Variants in PALM3 observed in about 807,000 individuals in gnomAD.
PALM3 encodes paralemmin 3, also known as paralemmin-3.
In PALM3, 20 loss-of-function variants were observed where a neutral mutation model predicts 27.9. The ratio of observed to expected loss-of-function variants is 0.72; its 90% confidence interval spans 0.50 to 1.04. The LOEUF (loss-of-function observed/expected upper bound fraction) is 1.04, where lower values mean the gene tolerates loss of function less well. PALM3 is among the 50% of genes least tolerant of loss of function. The pLI, the probability that PALM3 is intolerant of heterozygous loss-of-function variation, is 0.00. For missense variants in PALM3, 814 were observed against 869.4 expected, an observed-to-expected ratio of 0.94 and a Z score of 0.80; for synonymous variants, 328 against 352.7, an observed-to-expected ratio of 0.93 and a Z score of 0.79.
Position 14,061,949 on chromosome 19 carries a change from G to A in PALM3, c.32C>T (p.Ala11Val). 1.0e-6 allele frequency: 1 copy of A among 985,262 alleles called. No homozygotes were observed. The highest frequency in any genetic ancestry group is 5.2e-4 in the Middle Eastern group (1 of 1,914). 61.0% of individuals were successfully genotyped at this position (985,262 alleles called of 1,614,324 possible). MALQSQVWSL[A>V]TPMPMAESSL... The stretch of plus-strand genomic sequence containing the variant: ...CCCCCCAGACACTTACATGGGTGTG[G>A]CCAGAGACCACACCTGGCTCTGCAG... Residue 11 changes from alanine (A) to valine (V), a missense_variant, in exon 1 of 7, where the codon GCC (alanine) becomes GTC (valine). Transcript: ENST00000669674.
At chr19:14,055,458 C>A in intron 5 of PALM3, 33 bp from the exon 6 acceptor site, 1 of 1,549,486 alleles carries the variant, frequency 6.5e-7, no homozygotes, top group Non-Finnish European at 8.7e-7. Flanking sequence ...GTCAGGCTGG[C>A]CCTCATCCCC....
chr19:14,058,433 G>A (rs768609955), intron 2 of PALM3, among the ~76,000 whole-genome samples: 1 of 147,304 alleles, frequency 6.8e-6, no homozygotes, highest in Non-Finnish European at 1.5e-5. Flanking sequence ...CAAAATGGGG[G>A]TGCAGCCATG....
chr19:14,055,579 T>C (rs1008308744), intron 5 of PALM3, among the ~76,000 whole-genome samples, 154 bp from the exon 6 acceptor site: 3 of 151,872 alleles, frequency 2.0e-5, no homozygotes, highest in African/African-American at 7.3e-5. Context: ...GCCTTCCTCA[T>C]CTATCTTATT....
At chr19:14,059,091 G>A (rs776962916) in intron 2 of PALM3, 24 bp downstream of exon 2, 39 of 1,455,698 alleles carry the variant, frequency 2.7e-5, no homozygotes, top group Admixed American at 1.2e-4. Context: ...GGGGTGCCCA[G>A]GGCGCGGGGA....
At position 14,053,498 on chromosome 19, in the gene PALM3, C is replaced by T. The variant is rs1976219976; in HGVS notation, c.*107G>A. ...GTGCAGGCTAGCTGGCTCCCAGGTG[C>T]CATGGCCAGTCCTGTGGTCCCTGTC... On this transcript the variant is annotated 3_prime_UTR_variant, in exon 7 of 7. Transcript: ENST00000669674. The T allele has an allele frequency of 7.7e-7, 1 of 1,303,748 alleles. No homozygotes were observed. The allele number at this position is 1,303,748 out of a possible 1,614,324, so 80.8% of individuals were successfully genotyped here. A position where few individuals can be genotyped will look rare whatever the true frequency, so the allele number is the denominator to read the frequency against.
chr19:14,060,991 C>T (rs1469627632), intron 1 of PALM3, among the ~76,000 whole-genome samples: 6 of 152,188 alleles, frequency 3.9e-5, no homozygotes, highest in African/African-American at 1.4e-4. Context: ...GAACTCCTGA[C>T]CTCAGGTGAT....
At chr19:14,055,291 G>GGA in intron 6 of PALM3, 65 bp from the exon 7 acceptor site, 9 of 1,529,212 alleles carry the variant, frequency 5.9e-6, no homozygotes, top group African/African-American at 2.8e-5. Flanking sequence ...GGAACAAAAG[G>GGA]ACTGCCATCC....
Position 14,053,962 on chromosome 19 carries a change from C to G in PALM3, c.1710G>C (p.Met570Ile). 1 of 1,551,702 alleles carries G rather than the reference C, an allele frequency of 6.4e-7. No individual in the cohort carries two copies. The highest frequency in any genetic ancestry group is 8.7e-7 in the Non-Finnish European group (1 of 1,146,940). Reference sequence around the variant, plus strand: ...CCTCAAGGGGAGGCCCTGCCTCATTCATCTCCTCTGCCTGGGATTCACTTC... The same window carrying G: ...CCTCAAGGGGAGGCCCTGCCTCATTGATCTCCTCTGCCTGGGATTCACTTC... ...REGSESQAEE[M>I]NEAGPPLEAN... Residue 570 changes from methionine to isoleucine, a missense_variant, in exon 7 of 7, where the codon ATG (methionine) becomes ATC (isoleucine). Transcript: ENST00000669674.
rs1828764994 is a variant in PALM3 at position 14,054,973 on chromosome 19, C to T, written c.699G>A (p.Val233=). The T allele has an allele frequency of 6.5e-7, 1 of 1,549,374 alleles. No homozygotes were observed. The highest frequency in any genetic ancestry group is 8.7e-7 in the Non-Finnish European group (1 of 1,146,246). Residue 233 remains valine, a synonymous_variant, in exon 7 of 7, where the codon GTG becomes GTA. Coordinates refer to ENST00000669674, the MANE Select transcript of PALM3 (RefSeq NM_001145028.2). ...CCCTCAGCCCTTCCCACACCACACT[C>T]ACCACGCCCCCTCCTTTGGCCTCAC... ...RVGEAKGGGV[V]SVVWEGLRAT...
Position 14,054,728 on chromosome 19 carries a change from T to C in PALM3, c.944A>G (p.Gln315Arg). ...CTCCTGGAGCCTAGGCGAGCTAGTCTGCACGACCTCAGGGACCCTGCCTAT... is the reference window on the plus strand; with the variant it reads ...CTCCTGGAGCCTAGGCGAGCTAGTCCGCACGACCTCAGGGACCCTGCCTAT... ...GEIGRVPEVVQTSSPRLQERL... is the reference protein window; with the variant it reads ...GEIGRVPEVVRTSSPRLQERL... Residue 315 changes from glutamine to arginine, a missense_variant, in exon 7 of 7, where the codon CAG (glutamine) becomes CGG (arginine). Physicochemically the swap from Gln to Arg is conservative, Grantham distance 43. Transcript: ENST00000669674. 6.4e-7 allele frequency: 1 copy of C among 1,551,834 alleles called. No homozygotes were observed. The highest frequency in any genetic ancestry group is 8.7e-7 in the Non-Finnish European group (1 of 1,147,044).
chr19:14,058,033 G>C (rs1002131021), intron 2 of PALM3, among the ~76,000 whole-genome samples: 1 of 152,184 alleles, frequency 6.6e-6, no homozygotes. Context: ...TCTTGAACTC[G>C]GGAGGCGCAG....
At chr19:14,061,698 TG>T (rs1976416225) in intron 1 of PALM3, among the ~76,000 whole-genome samples, 1 of 152,094 alleles carries the variant, frequency 6.6e-6, no homozygotes, top group East Asian at 1.9e-4. Flanking sequence ...TTCTCAGCCC[TG>T]GCAGCGGAAA....
intron 3 of PALM3, 111 bp from the exon 4 acceptor site, chr19:14,056,915 A>G: frequency 8.9e-7 from 1 of 1,125,986 alleles, no homozygotes; most frequent in Non-Finnish European, 1.2e-6. Flanking sequence ...CCTCACAACC[A>G]GTTGCGACAT....
In PALM3 at chr19:14,055,539, C is replaced by T. The variant is rs1976290002; in HGVS notation, c.400-114G>A. The T allele has an allele frequency of 4.9e-6, 5 of 1,016,144 alleles. No individual in the cohort carries two copies. In the Admixed American group the frequency reaches 6.9e-5, roughly 14 times the overall value. 62.9% of individuals were successfully genotyped at this position (1,016,144 alleles called of 1,614,324 possible). The stretch of plus-strand genomic sequence containing the variant: ...AATACCCTCAGTGGCTCTCTATTAC[C>T]TTCAGGATCAAACTCCACATTGTAC... On this transcript the variant is annotated intron_variant, in intron 5 of 6. Transcript: ENST00000669674.
chr19:14,056,657 C>T lies in PALM3; in HGVS notation c.314+5G>A. 1 of 1,551,782 alleles carries T rather than the reference C, an allele frequency of 6.4e-7. No homozygotes were observed. The highest frequency in any genetic ancestry group is 2.0e-5 in the Admixed American group (1 of 51,010). ...TTCGGGCAGAGCTAGAAGGTCTCCA[C>T]TCACGTGAACAAACTGTCTTCCAGG... On this transcript the variant is annotated splice_donor_5th_base_variant and intron_variant, in intron 4 of 6. Transcript: ENST00000669674.
intron 5 of PALM3, 47 bp downstream of exon 5, chr19:14,056,382 C>A: frequency 6.7e-7 from 1 of 1,488,932 alleles, no homozygotes; most frequent in East Asian, 2.5e-5. Context: ...TGCCTTGAGG[C>A]CTGCTGGCCA....
intron 3 of PALM3, 50 bp downstream of exon 3, chr19:14,057,300 AC>A: frequency 9.9e-6 from 12 of 1,210,076 alleles, no homozygotes; most frequent in South Asian, 2.8e-5. Flanking sequence ...TTGCACAGAC[AC>A]CCCCCACTCC....
intron 2 of PALM3, among the ~76,000 whole-genome samples, chr19:14,058,693 A>AGGAT (rs1475378150): frequency 6.6e-6 from 1 of 151,930 alleles, no homozygotes; most frequent in Non-Finnish European, 1.5e-5. Flanking sequence ...GGACAGAGAT[A>AGGAT]GGATCAGAGT....
chr19:14,053,417 G>C lies in PALM3; in HGVS notation c.*188C>G. On this transcript the variant is annotated 3_prime_UTR_variant, in exon 7 of 7. Transcript: ENST00000669674. ...AAGTATAAAGGCTTCATCGCAGAAG[G>C]AGGCCAGGGTTACAGGCAGTGGGCA... 1 of 534,636 alleles carries C rather than the reference G, an allele frequency of 1.9e-6. No homozygotes were observed. 33.1% of individuals were successfully genotyped at this position (534,636 alleles called of 1,614,324 possible).
Sources: gnomAD v4.1 joint callset for allele counts (sites outside exome capture counted in the v4.1 genomes callset) on GRCh38, gnomAD v4.1.1 for gene constraint, MANE v1.5 for transcripts, NCBI Gene and HGNC (gene_info 2026-07-23, HGNC 2026-07-21) for gene names.